Variants in CDH2 observed in about 807,000 individuals in gnomAD.
CDH2 encodes cadherin 2, also known as cadherin-2.
A neutral mutation model predicts 92.0 loss-of-function variants in CDH2; 17 were observed. The ratio of observed to expected loss-of-function variants is 0.18; its 90% CI spans 0.13 to 0.28. The LOEUF is 0.28. CDH2 is among the 10% of genes least tolerant of loss of function. The probability of loss-of-function intolerance (pLI) is 1.00; values close to 1 mark genes in which losing one functional copy is unlikely to be tolerated. For missense variants in CDH2, 862 were observed against 1,133.1 expected (o/e 0.76, Z 3.44); for synonymous variants, 419 against 415.9 (o/e 1.01, Z -0.09).
intron 2 of CDH2, among the ~76,000 whole-genome samples, chr18:28,126,284 T>A (rs1377166878): frequency 6.6e-6 from 1 of 152,172 alleles, no homozygotes. Flanking sequence ...ACAGTTAATA[T>A]GGCTACATCA....
In CDH2 at chr18:27,944,016, G is replaced by GA. The variant is rs567270124; in HGVS notation, c.1152-10893dup. Among the ~76,000 whole-genome samples the GA allele has an allele frequency of 2.3e-3, 346 of 152,172 alleles. 1 individual carries two copies. Among genetic ancestry groups the GA allele is most frequent in the African/African-American group, 8.0e-3 (334 of 41,524 alleles). ...AAAGATTAAGATGGAGATAAAACAGGAGAAAATGAAACAAAAAAATTATTA... is the reference window on the plus strand; with the variant it reads ...AAAGATTAAGATGGAGATAAAACAGGAAGAAAATGAAACAAAAAAATTATTA... On this transcript the variant is annotated intron_variant, in intron 6 of 6. Coordinates refer to the CDH2 transcript ENST00000675173.
At chr18:28,103,088 GAAA>G (rs2015253703) in intron 2 of CDH2, among the ~76,000 whole-genome samples, 1 of 149,262 alleles carries the variant, frequency 6.7e-6, no homozygotes, top group Admixed American at 6.7e-5. Context: ...TGTCAGTGAA[GAAA>G]CAAATGAAGT....
intron 14 of CDH2, among the ~76,000 whole-genome samples, chr18:27,980,926 A>G (rs183222368): frequency 6.6e-6 from 1 of 152,328 alleles, no homozygotes; most frequent in East Asian, 1.9e-4. Flanking sequence ...CTTAATCTCA[A>G]GCATCAATCT....
At chr18:28,027,992 T>G (rs2013603523) in intron 2 of CDH2, among the ~76,000 whole-genome samples, 1 of 152,050 alleles carries the variant, frequency 6.6e-6, no homozygotes, top group South Asian at 2.1e-4. Flanking sequence ...TTGATGTAAT[T>G]TAGTTAGCTC....
chr18:27,989,641 A>G (rs760544284), intron 10 of CDH2, among the ~76,000 whole-genome samples: 20 of 152,194 alleles, frequency 1.3e-4, no homozygotes, highest in Non-Finnish European at 5.9e-5. Context: ...GATAGGTTTC[A>G]TAAGTCCAAT....
chr18:28,061,034 T>C (rs2014392832), intron 2 of CDH2, among the ~76,000 whole-genome samples: 1 of 152,210 alleles, frequency 6.6e-6, no homozygotes, highest in Non-Finnish European at 1.5e-5. Flanking sequence ...GTGAGACAAG[T>C]TAAACTTTCT....
At chr18:28,153,291 T>G in intron 1 of CDH2, among the ~76,000 whole-genome samples, 1 of 152,152 alleles carries the variant, frequency 6.6e-6, no homozygotes, top group Admixed American at 6.5e-5. Context: ...ACTGTTAAGT[T>G]ATGGCTTCCT....
chr18:28,111,422 T>C (rs2015411206), intron 2 of CDH2, among the ~76,000 whole-genome samples: 1 of 152,184 alleles, frequency 6.6e-6, no homozygotes, highest in South Asian at 2.1e-4. Flanking sequence ...AAACATGTAT[T>C]CGAGGTAAGA....
At chr18:28,056,626 T>A (rs2014298791) in intron 2 of CDH2, among the ~76,000 whole-genome samples, 1 of 152,188 alleles carries the variant, frequency 6.6e-6, no homozygotes, top group African/African-American at 2.4e-5. Flanking sequence ...TGACCTGTGA[T>A]CCCATTTTGA....
intron 5 of CDH2, among the ~76,000 whole-genome samples, chr18:28,006,618 T>C (rs1018867761): frequency 3.4e-5 from 5 of 148,636 alleles, no homozygotes; most frequent in Non-Finnish European, 7.4e-5. Flanking sequence ...CCCAGCTACT[T>C]GGGAGGCTGA....
chr18:28,112,829 A>G (rs1414621405), intron 2 of CDH2, among the ~76,000 whole-genome samples: 1 of 152,206 alleles, frequency 6.6e-6, no homozygotes, highest in Non-Finnish European at 1.5e-5. Flanking sequence ...CAGGCTGGCA[A>G]GCAAACAAGG....
intron 2 of CDH2, among the ~76,000 whole-genome samples, chr18:28,083,355 A>G (rs1433770533): frequency 6.6e-6 from 1 of 152,208 alleles, no homozygotes. Flanking sequence ...AGAAACATGG[A>G]TAGCTAGACT....
chr18:27,978,504 G>C (rs1232038859), intron 14 of CDH2, among the ~76,000 whole-genome samples: 2 of 151,858 alleles, frequency 1.3e-5, no homozygotes, highest in Admixed American at 6.6e-5. Context: ...AGAACATGAA[G>C]AAGTCCTGAC....
chr18:28,143,947 T>A (rs1385379437), intron 2 of CDH2, among the ~76,000 whole-genome samples: 2 of 151,950 alleles, frequency 1.3e-5, no homozygotes, highest in Non-Finnish European at 1.5e-5. Flanking sequence ...AGTTGAAATA[T>A]GAGAACACAT....
At chr18:28,057,833 C>A (rs2014324008) in intron 2 of CDH2, among the ~76,000 whole-genome samples, 1 of 152,028 alleles carries the variant, frequency 6.6e-6, no homozygotes, top group Non-Finnish European at 1.5e-5. Flanking sequence ...TCATGAAGAA[C>A]CTGAACAGTT....
chr18:28,176,820 GGCCGC>G (rs2016550895), intron 1 of CDH2, 138 bp downstream of exon 1: 1 of 266,074 alleles, frequency 3.8e-6, no homozygotes, highest in Non-Finnish European at 5.8e-6. Flanking sequence ...CGCAGCTACC[GGCCGC>G]GCGGCGCGGC....
chr18:27,988,979 T>C (rs927372874), intron 10 of CDH2, among the ~76,000 whole-genome samples: 2 of 152,186 alleles, frequency 1.3e-5, no homozygotes, highest in African/African-American at 4.8e-5. Context: ...TCAACAGATA[T>C]CAATGGTTCA....
At chr18:28,162,328 G>A (rs372245545) in intron 1 of CDH2, among the ~76,000 whole-genome samples, 1 of 152,148 alleles carries the variant, frequency 6.6e-6, no homozygotes, top group Admixed American at 6.5e-5. Flanking sequence ...GTACTTAGGG[G>A]AGCACAAATG....
intron 2 of CDH2, among the ~76,000 whole-genome samples, chr18:28,107,081 T>C (rs1432500769): frequency 6.6e-6 from 1 of 152,138 alleles, no homozygotes; most frequent in Non-Finnish European, 1.5e-5. Flanking sequence ...AAAACTAAAA[T>C]ATACTACTAT....
Sources: gnomAD v4.1 joint callset for allele counts (sites outside exome capture counted in the v4.1 genomes callset) on GRCh38, gnomAD v4.1.1 for gene constraint, MANE v1.5 for transcripts, NCBI Gene and HGNC (gene_info 2026-07-23, HGNC 2026-07-21) for gene names.